The following ARHGEF7 variants were observed in gnomAD, a reference collection of about 807,000 sequenced individuals.
ARHGEF7 encodes the protein Rho guanine nucleotide exchange factor 7, also known as PAK-interacting exchange factor beta.
Under a neutral mutation model 109.8 loss-of-function variants are expected in ARHGEF7, and 33 were observed. That is an observed-to-expected ratio of 0.30 (90% CI 0.23 to 0.40). ARHGEF7 has a LOEUF of 0.40. Among genes scored for constraint, ARHGEF7 ranks in the 10% least tolerant of loss-of-function variants. The pLI is 1.00. For synonymous variants in ARHGEF7, 458 were observed against 424.6 expected (o/e 1.08, Z -0.97); for missense variants, 938 against 1,098.5 (o/e 0.85, Z 2.07).
chr13:111,274,869 G>C, intron 11 of ARHGEF7, 79 bp downstream of exon 11: 3 of 1,029,720 alleles, frequency 2.9e-6, no homozygotes, highest in Non-Finnish European at 4.0e-6. Flanking sequence ...AACTGAAAAA[G>C]TCAAATGATT....
chr13:111,254,341 T>G (rs1177379623), intron 8 of ARHGEF7, among the ~76,000 whole-genome samples: 1 of 152,272 alleles, frequency 6.6e-6, no homozygotes, highest in Non-Finnish European at 1.5e-5. Context: ...TGAGTCAAGT[T>G]GTTTGAGAGG....
intron 8 of ARHGEF7, among the ~76,000 whole-genome samples, chr13:111,260,395 C>T (rs2090960058): frequency 6.6e-6 from 1 of 152,232 alleles, no homozygotes; most frequent in African/African-American, 2.4e-5. Context: ...TACAAAGATG[C>T]TCCAGTACAT....
At chr13:111,302,630 C>A (rs1194044528) in intron 21 of ARHGEF7, among the ~76,000 whole-genome samples, 1 of 152,216 alleles carries the variant, frequency 6.6e-6, no homozygotes, top group Non-Finnish European at 1.5e-5. Context: ...GCTGTTACTT[C>A]CAGTCCTTTC....
intron 1 of ARHGEF7, 48 bp downstream of exon 1, chr13:111,115,739 T>A (rs1344192447): frequency 4.8e-6 from 5 of 1,044,036 alleles, no homozygotes; most frequent in South Asian, 8.9e-5. Context: ...TCCGGCCCGC[T>A]GCGGCCCGGG....
intron 2 of ARHGEF7, among the ~76,000 whole-genome samples, chr13:111,184,481 T>G (rs1281400075): frequency 6.6e-6 from 1 of 152,176 alleles, no homozygotes; most frequent in Non-Finnish European, 1.5e-5. Context: ...GCACTCAGTT[T>G]GGAGCATTTG....
In ARHGEF7 at chr13:111,277,310, C is replaced by T. The variant is rs528696306; in HGVS notation, c.1420-277C>T. ...TGAGTCCAGGATCTTTTAATCAGTC[C>T]GTTTACTTTCTTACCTTTTGTTTTT... On this transcript the variant is annotated intron_variant, in intron 12 of 21. Transcript: ENST00000646102. 3.3e-5 allele frequency among the ~76,000 whole-genome samples: 5 copies of T among 152,252 alleles called. No individual in the cohort carries two copies. In the East Asian group the frequency reaches 5.8e-4, roughly 18 times the overall value.
intron 5 of ARHGEF7, among the ~76,000 whole-genome samples, chr13:111,221,048 T>G (rs1041248349): frequency 1.4e-5 from 2 of 147,224 alleles, no homozygotes; most frequent in South Asian, 4.2e-4. Context: ...AGGGGAGATA[T>G]ATATATATCT....
At chr13:111,212,799 T>G (rs1250479883) in intron 4 of ARHGEF7, among the ~76,000 whole-genome samples, 9 of 152,246 alleles carry the variant, frequency 5.9e-5, no homozygotes, top group Non-Finnish European at 2.9e-5. Context: ...CTTCTCTTTT[T>G]AAGTCATTTT....
At chr13:111,170,741 C>G (rs1218625212) in intron 2 of ARHGEF7, among the ~76,000 whole-genome samples, 3 of 152,202 alleles carry the variant, frequency 2.0e-5, no homozygotes, top group Non-Finnish European at 4.4e-5. Flanking sequence ...TGGGAGAACT[C>G]TGATGACGGA....
rs1399494083 is a variant in ARHGEF7 at position 111,288,456 on chromosome 13, A to G, written c.2134+13A>G. The G allele has an allele frequency of 3.1e-6, 5 of 1,599,728 alleles. 1 individual carries two copies. The highest frequency in any genetic ancestry group is 2.2e-5 in the South Asian group (2 of 90,704). ...ACACTCAATTCAAGTAAGTTTAGCA[A>G]TAAGGCCTGGGAAGTGTGGTGGTTT... On this transcript the variant is annotated intron_variant, in intron 18 of 21. Coordinates refer to ENST00000646102, the MANE Select transcript of ARHGEF7 (RefSeq NM_001354046.2).
chr13:111,251,552 T>G (rs1484858768), intron 8 of ARHGEF7, among the ~76,000 whole-genome samples: 1 of 152,238 alleles, frequency 6.6e-6, no homozygotes, highest in Non-Finnish European at 1.5e-5. Context: ...AAGGAGGATA[T>G]TGAATTTTGT....
intron 1 of ARHGEF7, among the ~76,000 whole-genome samples, chr13:111,132,210 AG>A (rs1194470150): frequency 6.6e-6 from 1 of 152,164 alleles, no homozygotes; most frequent in Non-Finnish European, 1.5e-5. Context: ...CACATTTTAA[AG>A]TGTGTTCTTT....
chr13:111,281,597 C>T (rs1257909478), intron 15 of ARHGEF7, among the ~76,000 whole-genome samples: 1 of 152,148 alleles, frequency 6.6e-6, no homozygotes, highest in Non-Finnish European at 1.5e-5. Flanking sequence ...TTTTTAATGG[C>T]TCTACCATTT....
chr13:111,195,799 G>C (rs2080431682), intron 2 of ARHGEF7, among the ~76,000 whole-genome samples: 1 of 152,182 alleles, frequency 6.6e-6, no homozygotes, highest in Non-Finnish European at 1.5e-5. Flanking sequence ...GCCCTACTGG[G>C]TGATTGGCCT....
chr13:111,235,478 GGAAA>G (rs2086682837), intron 6 of ARHGEF7, among the ~76,000 whole-genome samples: 1 of 152,162 alleles, frequency 6.6e-6, no homozygotes, highest in African/African-American at 2.4e-5. Context: ...ACAGAATGAT[GGAAA>G]ACACCTTGAC....
chr13:111,297,372 T>A (rs1011938644), intron 19 of ARHGEF7, among the ~76,000 whole-genome samples: 109 of 152,308 alleles, frequency 7.2e-4, no homozygotes, highest in African/African-American at 2.3e-3. Context: ...GATACAACAT[T>A]TTCCACCTTA....
In ARHGEF7 at chr13:111,266,726, A is replaced by G; in HGVS notation, c.951-822A>G. 2.3e-6 allele frequency: 1 copy of G among 436,562 alleles called. No homozygotes were observed. Among genetic ancestry groups the G allele is most frequent in the East Asian group, 7.2e-5 (1 of 13,940 alleles). 27.0% of individuals were successfully genotyped at this position (436,562 alleles called of 1,614,324 possible). On this transcript the variant is annotated intron_variant, in intron 8 of 21. Transcript: ENST00000646102. This position sits in a 1 kb window ranked among gnomAD's most constrained non-coding sequence, Gnocchi z 4.8. ...CTCTGGCTCCCATTCCCTAGGTAGG[A>G]GGATGTAATCCTTCTGGTAATATTG...
At chr13:111,194,567 C>CT (rs1158878077) in intron 2 of ARHGEF7, among the ~76,000 whole-genome samples, 1 of 152,238 alleles carries the variant, frequency 6.6e-6, no homozygotes, top group Non-Finnish European at 1.5e-5. Flanking sequence ...ATAGGCAAAG[C>CT]TGGGCCTTCA....
In ARHGEF7 at chr13:111,133,839, C is replaced by A. The variant is rs568667857; in HGVS notation, c.165+18148C>A. Reference sequence around the variant, plus strand: ...TTTATTATACTTTAAGTTCTAGGTACATGTGCACAGTGTGCAGGTTTGTTA... The same window carrying A: ...TTTATTATACTTTAAGTTCTAGGTAAATGTGCACAGTGTGCAGGTTTGTTA... On this transcript the variant is annotated intron_variant, in intron 1 of 21. Coordinates refer to ENST00000646102, the MANE Select transcript of ARHGEF7 (RefSeq NM_001354046.2). Among the ~76,000 whole-genome samples the A allele has an allele frequency of 2.0e-3, 264 of 131,164 alleles. 2 individuals are homozygous for A. Among genetic ancestry groups the A allele is most frequent in the African/African-American group, 7.4e-3 (257 of 34,586 alleles). The allele number at this position is 131,164 out of a possible 152,430, so 86.0% of individuals were successfully genotyped here.
Sources: gnomAD v4.1 joint callset for allele counts (sites outside exome capture counted in the v4.1 genomes callset) on GRCh38, gnomAD v4.1.1 for gene constraint, Gnocchi (gnomAD v3.1) non-coding constraint, MANE v1.5 for transcripts, NCBI Gene and HGNC (gene_info 2026-07-23, HGNC 2026-07-21) for gene names.